The following GAB2 variants were observed in gnomAD, a reference collection of about 807,000 sequenced individuals.
GAB2 encodes GRB2 associated binding protein 2.
GAB2 carries 26 observed loss-of-function variants against 65.5 expected under a neutral mutation model. That is an observed-to-expected ratio of 0.40 (90% CI 0.29 to 0.55). The LOEUF (loss-of-function observed/expected upper bound fraction) is 0.55. Ranked by LOEUF, GAB2 falls within the 20% of genes least tolerant of loss-of-function variation. The pLI, the probability that GAB2 is intolerant of heterozygous loss-of-function variation, is 0.53. For missense variants in GAB2, 884 were observed against 875.8 expected (o/e 1.01, Z -0.12); for synonymous variants, 321 against 329.6 (o/e 0.97, Z 0.28).
intron 3 of GAB2, among the ~76,000 whole-genome samples, chr11:78,249,754 A>G (rs1865394878): frequency 6.6e-6 from 1 of 152,210 alleles, no homozygotes; most frequent in East Asian, 1.9e-4. Flanking sequence ...GCTACTATAC[A>G]GAACAGTGCA....
Position 78,280,744 on chromosome 11 carries a change from T to C in GAB2, c.233A>G (p.Lys78Arg), listed in dbSNP as rs1866313209. 1 of 1,614,090 alleles carries C rather than the reference T, an allele frequency of 6.2e-7. No individual in the cohort carries two copies. Among genetic ancestry groups the C allele is most frequent in the South Asian group, 1.1e-5 (1 of 91,092 alleles). The stretch of plus-strand genomic sequence containing the variant: ...AAACACAAAACTATCCTGCAGCTCC[T>C]TCTTGTTAAAGGTCAGGCCTGCATC... ...QVDAGLTFNK[K>R]ELQDSFVFDI... The change falls in exon 2 of 10, where the codon AAG becomes AGG. Residue 78 changes from lysine to arginine, a missense_variant. Physicochemically the swap from Lys to Arg is conservative, Grantham distance 26. Transcript: ENST00000361507.
At chr11:78,409,267 T>C (rs1857094273) in intron 1 of GAB2, among the ~76,000 whole-genome samples, 1 of 151,810 alleles carries the variant, frequency 6.6e-6, no homozygotes, top group Admixed American at 6.6e-5. Context: ...ACCAAGAAGA[T>C]GTTGCAATTC....
chr11:78,363,890 T>C (rs1176842120), intron 1 of GAB2: 2 of 152,082 alleles, frequency 1.3e-5, no homozygotes, highest in African/African-American at 4.8e-5. Context: ...GGCTTAGAAA[T>C]ACATTTTCTT....
rs1338610884 is a variant in GAB2 at position 78,223,655 on chromosome 11, G to A, written c.1324C>T (p.Arg442Ter). The change falls in exon 6 of 10, where the codon CGA becomes TGA. Residue 442 changes from arginine (R) to a stop codon, truncating the protein, a stop_gained. Transcript: ENST00000361507. LOFTEE classifies it high-confidence loss of function. ...TCTTCAGAATTGGTGCTGTCCGATC[G>A]GCCCACAATCATTTTCCCTGGCTAG... Reference protein sequence around the residue: ...SFLPGKMIVGRSDSTNSEDNY... With the variant: ...SFLPGKMIVG The A allele has an allele frequency of 1.2e-6, 2 of 1,604,358 alleles. No individual in the cohort carries two copies. The highest frequency in any genetic ancestry group is 8.5e-7 in the Non-Finnish European group (1 of 1,175,250).
At chr11:78,384,006 C>T (rs942489991) in intron 1 of GAB2, among the ~76,000 whole-genome samples, 5 of 152,106 alleles carry the variant, frequency 3.3e-5, no homozygotes, top group African/African-American at 7.2e-5. Flanking sequence ...GCGACAGAGG[C>T]ATAGTTGAGC....
intron 1 of GAB2, among the ~76,000 whole-genome samples, chr11:78,405,309 A>G (rs1222167985): frequency 6.6e-6 from 1 of 152,170 alleles, no homozygotes; most frequent in East Asian, 1.9e-4. Flanking sequence ...TGTGTTAGCC[A>G]GGATGGTCTC....
At chr11:78,363,909 G>T (rs909285602) in intron 1 of GAB2, 2 of 152,028 alleles carry the variant, frequency 1.3e-5, no homozygotes, top group Non-Finnish European at 2.9e-5. Flanking sequence ...TTAAAAAGCT[G>T]TAAGTAGAGT....
chr11:78,268,734 T>TA (rs1375486214), intron 2 of GAB2, among the ~76,000 whole-genome samples: 3 of 144,590 alleles, frequency 2.1e-5, no homozygotes, highest in African/African-American at 5.5e-5. Flanking sequence ...TGTCTGGTAT[T>TA]TAAAAAAAAA....
intron 1 of GAB2, among the ~76,000 whole-genome samples, chr11:78,316,681 T>C (rs1855613710): frequency 2.0e-5 from 3 of 152,148 alleles, no homozygotes; most frequent in Admixed American, 2.0e-4. Context: ...TGTGCAATGT[T>C]GGTGGGGATA....
chr11:78,291,256 T>C (rs1489827589), intron 1 of GAB2, among the ~76,000 whole-genome samples: 3 of 134,944 alleles, frequency 2.2e-5, no homozygotes, highest in Admixed American at 8.4e-5. Context: ...ATTGAGACCA[T>C]CCTGGCTAAT....
chr11:78,223,626 G>A lies in GAB2; in HGVS notation c.1353C>T (p.Asn451=), dbSNP rs140971558. The A allele has an allele frequency of 1.6e-4, 265 of 1,612,956 alleles. 1 individual carries two copies. The African/African-American group carries it at 3.3e-3, about 20-fold the overall frequency. Residue 451 remains asparagine, a synonymous_variant, in exon 6 of 10, where the codon AAC becomes AAT. Coordinates refer to ENST00000361507, the MANE Select transcript of GAB2 (RefSeq NM_080491.3). ...AAGAACCTGGATTCATGGGCACATA[G>A]TTGTCTTCAGAATTGGTGCTGTCCG... ...GRSDSTNSED[N]YVPMNPGSST...
chr11:78,285,873 A>C, intron 1 of GAB2, among the ~76,000 whole-genome samples: 1 of 152,152 alleles, frequency 6.6e-6, no homozygotes, highest in South Asian at 2.1e-4. Context: ...GTGGACCTCT[A>C]TTTCCTCGGA....
intron 1 of GAB2, among the ~76,000 whole-genome samples, chr11:78,335,280 CTG>C (rs1855979072): frequency 6.6e-6 from 1 of 152,192 alleles, no homozygotes; most frequent in Non-Finnish European, 1.5e-5. Flanking sequence ...CTTTGGTTGT[CTG>C]TGCTTGTGGA....
At chr11:78,408,886 C>T (rs1262852740) in intron 1 of GAB2, among the ~76,000 whole-genome samples, 2 of 152,184 alleles carry the variant, frequency 1.3e-5, no homozygotes, top group African/African-American at 2.4e-5. Flanking sequence ...GAGGCCTCCC[C>T]AGCCATGCTT....
At chr11:78,282,255 C>G (rs928347376) in intron 1 of GAB2, among the ~76,000 whole-genome samples, 3 of 152,022 alleles carry the variant, frequency 2.0e-5, no homozygotes, top group Non-Finnish European at 4.4e-5. Flanking sequence ...ACAAAGACTA[C>G]ATATAACAGA....
At chr11:78,286,227 C>G (rs1411355437) in intron 1 of GAB2, among the ~76,000 whole-genome samples, 1 of 152,138 alleles carries the variant, frequency 6.6e-6, no homozygotes, top group African/African-American at 2.4e-5. Flanking sequence ...GACTTTATGT[C>G]TTTGCACAAG....
chr11:78,223,540 C>G lies in GAB2; in HGVS notation c.1439G>C (p.Ser480Thr). ...DNSQSVYIPM[S>T]PGAHHFDSLG... ...TGAGTCAAAGTGATGGGCCCCTGGG[C>G]TCATTGGGATGTAGACGCTCTGGGA... The change falls in exon 6 of 10, where the codon AGC becomes ACC. Residue 480 changes from serine (S) to threonine (T), a missense_variant. Transcript: ENST00000361507. 1 of 1,613,616 alleles carries G rather than the reference C, an allele frequency of 6.2e-7. No homozygotes were observed. The highest frequency in any genetic ancestry group is 1.1e-5 in the South Asian group (1 of 90,978).
At chr11:78,324,176 A>G (rs959018840) in intron 1 of GAB2, among the ~76,000 whole-genome samples, 6 of 152,096 alleles carry the variant, frequency 3.9e-5, no homozygotes, top group Admixed American at 6.5e-5. Context: ...GTCACTGGCC[A>G]TAAGTACACA....
chr11:78,378,053 G>A (rs1347354019), intron 1 of GAB2, among the ~76,000 whole-genome samples: 3 of 152,156 alleles, frequency 2.0e-5, no homozygotes, highest in African/African-American at 7.2e-5. Flanking sequence ...TCTGACTACC[G>A]TAGTTTCCAA....
Sources: allele counts gnomAD v4.1 joint callset (sites outside exome capture counted in the v4.1 genomes callset), GRCh38; gene constraint gnomAD v4.1.1; transcripts MANE v1.5; gene names NCBI Gene and HGNC (gene_info 2026-07-23, HGNC 2026-07-21).